SEMA6D: variants seen among roughly 807,000 people sequenced by gnomAD.
SEMA6D encodes semaphorin 6D.
SEMA6D carries 35 observed loss-of-function variants against 106.6 expected under a neutral mutation model. The observed-to-expected ratio is 0.33, with a 90% CI of 0.25 to 0.44. The LOEUF (loss-of-function observed/expected upper bound fraction) is 0.44, where lower values mean the gene tolerates loss of function less well. Among genes scored for constraint, SEMA6D ranks in the 20% least tolerant of loss-of-function variants. SEMA6D has a pLI of 1.00. For missense variants in SEMA6D, 1,185 were observed against 1,345.9 expected, an observed-to-expected ratio of 0.88 and a Z score of 1.87; for synonymous variants, 499 against 487.7, an observed-to-expected ratio of 1.02 and a Z score of -0.31.
intron 4 of SEMA6D, among the ~76,000 whole-genome samples, chr15:47,607,809 T>C (rs773198544): frequency 1.7e-4 from 26 of 152,226 alleles, no homozygotes; most frequent in Non-Finnish European, 3.1e-4. Context: ...CTGGCCTTTC[T>C]TTAAAGAGAG....
intron 1 of SEMA6D, among the ~76,000 whole-genome samples, chr15:47,253,989 G>A (rs1481885159): frequency 6.6e-6 from 1 of 151,964 alleles, no homozygotes; most frequent in Non-Finnish European, 1.5e-5. Flanking sequence ...ATTGAGCATT[G>A]AGAATCTTTC....
intron 1 of SEMA6D, among the ~76,000 whole-genome samples, chr15:47,207,090 G>A (rs1367662919): frequency 6.6e-6 from 1 of 152,174 alleles, no homozygotes; most frequent in African/African-American, 2.4e-5. Flanking sequence ...GGGCAATTAG[G>A]CAGCAGTGGA....
intron 1 of SEMA6D, among the ~76,000 whole-genome samples, chr15:47,271,598 G>A (rs771803059): frequency 1.3e-5 from 2 of 152,164 alleles, no homozygotes; most frequent in Non-Finnish European, 2.9e-5. Flanking sequence ...CTGAGAAATA[G>A]TCTCAGAAAC....
chr15:47,585,405 G>T (rs1295866798), intron 3 of SEMA6D, among the ~76,000 whole-genome samples: 1 of 152,142 alleles, frequency 6.6e-6, no homozygotes, highest in Non-Finnish European at 1.5e-5. Context: ...GGATTTGTCA[G>T]GTCTGATTTA....
In SEMA6D at chr15:47,586,860, A is replaced by G. The variant is rs148678641; in HGVS notation, c.-86-14005A>G. On this transcript the variant is annotated intron_variant, in intron 3 of 19. Transcript: ENST00000558014. ...TGCTAGAACTGTATTTAAATGTAGG[A>G]TAAGATTTTCAAAATGAAATTTGAC... Among the ~76,000 whole-genome samples, 1,289 of 150,032 alleles carry G rather than the reference A, an allele frequency of 8.6e-3. 8 individuals are homozygous for G. Among genetic ancestry groups the G allele is most frequent in the Admixed American group, 0.02 (301 of 15,026 alleles).
At chr15:47,322,064 G>A (rs1376903010) in intron 1 of SEMA6D, among the ~76,000 whole-genome samples, 2 of 152,208 alleles carry the variant, frequency 1.3e-5, no homozygotes, top group African/African-American at 4.8e-5. Context: ...GACATCTATT[G>A]AATAAGACTC....
chr15:47,506,167 G>A (rs949635838), intron 3 of SEMA6D, among the ~76,000 whole-genome samples: 14 of 152,222 alleles, frequency 9.2e-5, no homozygotes, highest in Admixed American at 2.6e-4. Context: ...GCTACAATGT[G>A]TACTCTGGCC....
intron 18 of SEMA6D, among the ~76,000 whole-genome samples, chr15:47,770,056 CAT>C (rs2082547617): frequency 6.6e-6 from 1 of 152,108 alleles, no homozygotes; most frequent in African/African-American, 2.4e-5. Context: ...ATTATTTTAG[CAT>C]ATGTTTATGC....
chr15:47,207,014 G>C (rs1199928652), intron 1 of SEMA6D, among the ~76,000 whole-genome samples: 1 of 152,174 alleles, frequency 6.6e-6, no homozygotes, highest in Non-Finnish European at 1.5e-5. Flanking sequence ...CATGAAGGAG[G>C]CTCCAGGAGA....
intron 3 of SEMA6D, among the ~76,000 whole-genome samples, chr15:47,502,246 C>CGCACT (rs2043873489): frequency 6.6e-6 from 1 of 152,168 alleles, no homozygotes; most frequent in Non-Finnish European, 1.5e-5. Context: ...ATTAGATCGT[C>CGCACT]GCACTGCATG....
chr15:47,393,415 G>A (rs1029723496), intron 1 of SEMA6D: 1 of 152,142 alleles, frequency 6.6e-6, no homozygotes, highest in Non-Finnish European at 1.5e-5. Flanking sequence ...GTGCAGCACA[G>A]CCCAGGTGCA....
intron 1 of SEMA6D, among the ~76,000 whole-genome samples, chr15:47,312,049 T>C (rs2143076148): frequency 6.6e-6 from 1 of 152,302 alleles, no homozygotes; most frequent in Middle Eastern, 3.4e-3. Flanking sequence ...GCCTCAGCTC[T>C]GACTGTGATG....
intron 3 of SEMA6D, among the ~76,000 whole-genome samples, chr15:47,577,730 GCAGA>G (rs1414053701): frequency 2.6e-5 from 4 of 152,188 alleles, no homozygotes; most frequent in Non-Finnish European, 5.9e-5. Context: ...CTTACCATTA[GCAGA>G]CAGTCTGCCG....
At chr15:47,316,889 A>G (rs1157372912) in intron 1 of SEMA6D, among the ~76,000 whole-genome samples, 1 of 152,144 alleles carries the variant, frequency 6.6e-6, no homozygotes, top group Non-Finnish European at 1.5e-5. Context: ...TTCTTGTAAC[A>G]TCTTCGGTTT....
At chr15:47,327,491 A>G (rs2037177206) in intron 1 of SEMA6D, among the ~76,000 whole-genome samples, 1 of 152,240 alleles carries the variant, frequency 6.6e-6, no homozygotes, top group Non-Finnish European at 1.5e-5. Context: ...ATTACTTTAT[A>G]TTTCTATGTT....
At chr15:47,598,808 G>A (rs756610213) in intron 3 of SEMA6D, among the ~76,000 whole-genome samples, 11 of 152,166 alleles carry the variant, frequency 7.2e-5, no homozygotes, top group Middle Eastern at 3.4e-3. Flanking sequence ...TATCTGTGTG[G>A]AAACCATAAA....
chr15:47,320,542 T>TA (rs1164594010), intron 1 of SEMA6D, among the ~76,000 whole-genome samples: 2 of 152,164 alleles, frequency 1.3e-5, no homozygotes, highest in Non-Finnish European at 2.9e-5. Flanking sequence ...CTGGTCCTGT[T>TA]AGCTTTTCCA....
intron 4 of SEMA6D, among the ~76,000 whole-genome samples, chr15:47,627,391 A>AT (rs1328040467): frequency 6.6e-6 from 1 of 152,122 alleles, no homozygotes; most frequent in African/African-American, 2.4e-5. Context: ...CAGTTGATTA[A>AT]TTTTTTTAGT....
chr15:47,743,226 C>T (rs1158702629), intron 1 of SEMA6D, among the ~76,000 whole-genome samples: 2 of 152,102 alleles, frequency 1.3e-5, no homozygotes, highest in African/African-American at 4.8e-5. Context: ...AATTGCCTAC[C>T]GGAAATACTG....
Sources: allele counts gnomAD v4.1 joint callset (sites outside exome capture counted in the v4.1 genomes callset), GRCh38; gene constraint gnomAD v4.1.1; transcripts MANE v1.5; gene names NCBI Gene and HGNC (gene_info 2026-07-23, HGNC 2026-07-21).